The following NLGN4X variants were observed in gnomAD, a reference collection of about 807,000 sequenced individuals.
The protein encoded by NLGN4X is neuroligin-4, X-linked.
A neutral mutation model predicts 40.3 loss-of-function variants in NLGN4X; 3 were observed. That is an observed-to-expected ratio of 0.07 (90% CI 0.03 to 0.19). The LOEUF (loss-of-function observed/expected upper bound fraction) is 0.19. NLGN4X is among the 10% of genes least tolerant of loss of function. NLGN4X has a pLI of 1.00. For missense variants in NLGN4X, 382 were observed against 708.3 expected (o/e 0.54, Z 5.23); for synonymous variants, 270 against 306.8 (o/e 0.88, Z 1.25).
rs183938830 is a variant in NLGN4X, at chrX:5,972,226, C to T, written c.625+57054G>A. Among the ~76,000 whole-genome samples the T allele has an allele frequency of 1.7e-3, 191 of 110,363 alleles. 1 individual carries two copies. Among genetic ancestry groups the T allele is most frequent in the African/African-American group, 5.9e-3 (180 of 30,414 alleles). On this transcript the variant is annotated intron_variant, in intron 3 of 5. Transcript: ENST00000381095. ...GCATGTGTGTGGGTGTGTGTGCATT[C>T]CCCATCATCTCATCCTATTTACTTC...
intron 3 of NLGN4X, among the ~76,000 whole-genome samples, chrX:5,966,876 A>G (rs1299454984): frequency 1.8e-5 from 2 of 112,323 alleles, no homozygotes; most frequent in Non-Finnish European, 3.8e-5. Context: ...AAACTTGATT[A>G]CTTAAAACTT....
chrX:6,125,489 T>C (rs2039522736), intron 2 of NLGN4X, among the ~76,000 whole-genome samples: 4 of 58,273 alleles, frequency 6.9e-5, no homozygotes, highest in Admixed American at 3.0e-4. Context: ...GAACAAATAG[T>C]CTTTAAAGAG....
At chrX:6,048,766 T>C (rs2037393602) in intron 2 of NLGN4X, among the ~76,000 whole-genome samples, 1 of 108,531 alleles carries the variant, frequency 9.2e-6, no homozygotes, top group Non-Finnish European at 1.9e-5. Flanking sequence ...ACACCACATG[T>C]TCTCACGTAT....
chrX:6,035,840 T>C (rs1029524906), intron 2 of NLGN4X, among the ~76,000 whole-genome samples: 2 of 107,676 alleles, frequency 1.9e-5, no homozygotes, highest in Non-Finnish European at 3.9e-5. Context: ...AAATATATGT[T>C]CTCTTCCTTA....
In NLGN4X at chrX:5,903,216, C is replaced by A. The variant is rs1303216105; in HGVS notation, c.1462G>T (p.Ala488Ser). The A allele has an allele frequency of 1.7e-6, 2 of 1,211,834 alleles. No homozygotes were observed. Among genetic ancestry groups the A allele is most frequent in the Non-Finnish European group, 2.2e-6 (2 of 895,562 alleles). The change falls in exon 5 of 6, where the codon GCC becomes TCC. Residue 488 changes from alanine (A) to serine (S), a missense_variant. Around this residue, in one of 5 missense-constraint regions of NLGN4X, gnomAD observed 149 missense variants for 375.8 expected, o/e 0.40. Transcript: ENST00000381095. ...ACATAGGGGACCTCATCACCATGGG[C>A]CGAATCTGCCCAGCTGGGCTTCATT... The part of the protein sequence containing the change: ...SEMKPSWADS[A>S]HGDEVPYVFG...
chrX:6,067,105 T>TCCACAGTC (rs1555964192), intron 2 of NLGN4X, among the ~76,000 whole-genome samples: 2 of 102,416 alleles, frequency 2.0e-5, no homozygotes, highest in African/African-American at 7.2e-5. Context: ...TGAGATACAG[T>TCCACAGTC]CCCCCCCCCA....
At chrX:6,033,537 T>C (rs1228204695) in intron 2 of NLGN4X, among the ~76,000 whole-genome samples, 4 of 112,223 alleles carry the variant, frequency 3.6e-5, no homozygotes, top group African/African-American at 6.5e-5. Flanking sequence ...GTGTGTAAAA[T>C]AGCTATTAAA....
chrX:6,208,292 C>T (rs1368631106), intron 1 of NLGN4X, among the ~76,000 whole-genome samples: 1 of 112,332 alleles, frequency 8.9e-6, no homozygotes, highest in Non-Finnish European at 1.9e-5. Flanking sequence ...TCGTTCTGCA[C>T]TTTGTTCTAT....
intron 3 of NLGN4X, among the ~76,000 whole-genome samples, chrX:5,988,837 G>T (rs1412931724): frequency 1.8e-5 from 2 of 111,883 alleles, no homozygotes; most frequent in African/African-American, 6.5e-5. Flanking sequence ...GGCCAAGGCG[G>T]GCAGAACACT....
At chrX:6,011,055 A>G (rs1006097998) in intron 3 of NLGN4X, among the ~76,000 whole-genome samples, 4 of 111,588 alleles carry the variant, frequency 3.6e-5, no homozygotes, top group African/African-American at 9.8e-5. Flanking sequence ...ATAATATCCT[A>G]GTTGTACTCT....
chrX:5,896,473 T>G (rs749365967), intron 5 of NLGN4X, among the ~76,000 whole-genome samples: 1 of 111,848 alleles, frequency 8.9e-6, no homozygotes, highest in African/African-American at 3.2e-5. Flanking sequence ...GTGTTTAAAC[T>G]CCTGTGAGTA....
At chrX:6,098,797 C>T (rs940790096) in intron 2 of NLGN4X, among the ~76,000 whole-genome samples, 3 of 111,722 alleles carry the variant, frequency 2.7e-5, no homozygotes, top group Admixed American at 9.5e-5. Flanking sequence ...ACTACTGCCC[C>T]TTCAACCGCC....
At chrX:6,099,330 C>A (rs1456003276) in intron 2 of NLGN4X, among the ~76,000 whole-genome samples, 1 of 111,964 alleles carries the variant, frequency 8.9e-6, no homozygotes, top group Non-Finnish European at 1.9e-5. Flanking sequence ...AGCAGCAAGT[C>A]CTGTGTATCA....
chrX:6,176,375 G>T (rs1219522257), intron 1 of NLGN4X, among the ~76,000 whole-genome samples: 1 of 112,359 alleles, frequency 8.9e-6, no homozygotes, highest in Non-Finnish European at 1.9e-5. Context: ...GTAAAATGAA[G>T]ATAACAACTG....
intron 2 of NLGN4X, among the ~76,000 whole-genome samples, chrX:6,126,426 A>G (rs5916309): frequency 0.44 from 48,613 of 110,174 alleles, 7,999 homozygotes; most frequent in Middle Eastern, 0.63. Context: ...TTATTTGTAC[A>G]TAATGTCACC....
intron 2 of NLGN4X, among the ~76,000 whole-genome samples, chrX:6,135,392 T>C (rs1481956014): frequency 2.7e-5 from 3 of 112,101 alleles, no homozygotes; most frequent in Non-Finnish European, 5.6e-5. Context: ...AAAGGAAATA[T>C]CCTAGGTAAG....
At chrX:6,048,026 G>A (rs11797770) in intron 2 of NLGN4X, among the ~76,000 whole-genome samples, 46,853 of 110,385 alleles carry the variant, frequency 0.42, 7,441 homozygotes, top group Admixed American at 0.5. Context: ...CTTGGTTCGT[G>A]GTCCCATGAA....
In NLGN4X at chrX:6,165,921, C is replaced by T. The variant is rs189164753; in HGVS notation, c.-305-14150G>A. 8.1e-5 allele frequency among the ~76,000 whole-genome samples: 9 copies of T among 111,266 alleles called. No homozygotes were observed. The East Asian group carries it at 2.3e-3, about 28-fold the overall frequency. On this transcript the variant is annotated intron_variant, in intron 1 of 5. Coordinates refer to ENST00000381095, the MANE Select transcript of NLGN4X (RefSeq NM_181332.3). Reference sequence around the variant, plus strand: ...ATACAGGCATGCAATATGTAATAATCACATCATGAAGAATGGGGTATCATA... The same window carrying T: ...ATACAGGCATGCAATATGTAATAATTACATCATGAAGAATGGGGTATCATA...
chrX:5,943,411 A>G (rs1249016467), intron 3 of NLGN4X, among the ~76,000 whole-genome samples: 1 of 111,744 alleles, frequency 8.9e-6, no homozygotes, highest in East Asian at 2.8e-4. Context: ...AAGAGAAACC[A>G]TCCGAGCTAC....
Sources: gnomAD v4.1 joint callset for allele counts (sites outside exome capture counted in the v4.1 genomes callset) on GRCh38, gnomAD v4.1.1 for gene constraint, gnomAD v4.1.1 regional missense constraint, MANE v1.5 for transcripts, NCBI Gene and HGNC (gene_info 2026-07-23, HGNC 2026-07-21) for gene names.